Variants in CCDC171 observed in about 807,000 individuals in gnomAD.
CCDC171 encodes coiled-coil domain-containing protein 171.
Under a neutral mutation model 168.2 loss-of-function variants are expected in CCDC171, and 177 were observed. That is an observed-to-expected ratio of 1.05 (90% CI 0.93 to 1.19). CCDC171 has a LOEUF of 1.19. CCDC171 is among the 50% of genes most tolerant of loss of function. CCDC171 has a pLI of 0.00. For synonymous variants in CCDC171, 687 were observed against 540.8 expected (o/e 1.27, Z -3.75); for missense variants, 1,991 against 1,539.0 (o/e 1.29, Z -4.91).
intron 5 of CCDC171, among the ~76,000 whole-genome samples, chr9:15,592,497 C>T (rs1271764030): frequency 6.6e-6 from 1 of 152,164 alleles, no homozygotes. Flanking sequence ...AGTTTTCGCA[C>T]AGTCATTCCC....
chr9:15,705,704 G>C (rs2052168033), intron 11 of CCDC171, among the ~76,000 whole-genome samples: 1 of 152,120 alleles, frequency 6.6e-6, no homozygotes, highest in African/African-American at 2.4e-5. Context: ...ACCTATTGCA[G>C]TCAAACATTT....
At chr9:15,914,858 C>G (rs1188389330) in intron 24 of CCDC171, among the ~76,000 whole-genome samples, 1 of 152,140 alleles carries the variant, frequency 6.6e-6, no homozygotes, top group Non-Finnish European at 1.5e-5. Context: ...AGCACCATCC[C>G]TCACGTCAGG....
chr9:15,764,439 A>C (rs183189126), intron 18 of CCDC171, among the ~76,000 whole-genome samples: 1 of 152,294 alleles, frequency 6.6e-6, no homozygotes, highest in Non-Finnish European at 1.5e-5. Flanking sequence ...AGAGTCTGGA[A>C]ATATTTTGAA....
In CCDC171 at chr9:15,823,300, T is replaced by G. The variant is rs150958694; in HGVS notation, c.3268-23402T>G. ...GTAACAAACCTTCACGTTGTGCACT[T>G]GTACCCTAAAACTTAAAGTATAATA... On this transcript the variant is annotated intron_variant, in intron 21 of 25. Transcript: ENST00000380701. Among the ~76,000 whole-genome samples, 1,447 of 152,142 alleles carry G rather than the reference T, an allele frequency of 9.5e-3. 24 individuals carry two copies. The highest frequency in any genetic ancestry group is 0.033 in the African/African-American group (1,384 of 41,492).
chr9:15,919,522 A>G (rs1825014203), intron 24 of CCDC171, among the ~76,000 whole-genome samples: 1 of 151,574 alleles, frequency 6.6e-6, no homozygotes, highest in African/African-American at 2.4e-5. Context: ...ATTTTGCTAT[A>G]TTTGAGTTAT....
At chr9:15,588,465 CA>C in intron 4 of CCDC171, 3 of 292,600 alleles carry the variant, frequency 1.0e-5, no homozygotes, top group Non-Finnish European at 1.4e-5. Context: ...AGCGCAAGCC[CA>C]AAAAGCCTTC....
chr9:15,730,071 A>T (rs1178172622), intron 16 of CCDC171, among the ~76,000 whole-genome samples: 2 of 151,948 alleles, frequency 1.3e-5, no homozygotes, highest in African/African-American at 4.8e-5. Flanking sequence ...TAAATGCGAA[A>T]ATTATATTTC....
intron 2 of CCDC171, among the ~76,000 whole-genome samples, chr9:15,569,751 C>T (rs1439356450): frequency 6.6e-6 from 1 of 151,230 alleles, no homozygotes; most frequent in Non-Finnish European, 1.5e-5. Flanking sequence ...GGAGGCGGAG[C>T]TTGCAGTGAG....
At chr9:15,794,471 AC>A (rs916264010) in intron 21 of CCDC171, among the ~76,000 whole-genome samples, 9 of 82,700 alleles carry the variant, frequency 1.1e-4, no homozygotes, top group African/African-American at 1.8e-4. Context: ...CCCCGCCCCC[AC>A]CCCCCCACCA....
chr9:15,897,798 C>A (rs1821104353), intron 24 of CCDC171, among the ~76,000 whole-genome samples: 1 of 152,130 alleles, frequency 6.6e-6, no homozygotes, highest in South Asian at 2.1e-4. Context: ...TGGATTAAGT[C>A]TACTGATTTC....
chr9:15,946,018 A>G (rs1828325202), intron 25 of CCDC171, among the ~76,000 whole-genome samples: 1 of 151,602 alleles, frequency 6.6e-6, no homozygotes, highest in East Asian at 2.0e-4. Flanking sequence ...TTTTAGGTCT[A>G]TCGTTTAAGT....
intron 24 of CCDC171, among the ~76,000 whole-genome samples, chr9:15,913,820 G>T (rs1824071506): frequency 6.6e-6 from 1 of 152,172 alleles, no homozygotes. Context: ...TTCGGATGGA[G>T]TTTTTGCATG....
At chr9:15,884,637 G>A (rs1819148241) in intron 24 of CCDC171, among the ~76,000 whole-genome samples, 1 of 152,116 alleles carries the variant, frequency 6.6e-6, no homozygotes, top group South Asian at 2.1e-4. Context: ...CAGAATGCCT[G>A]GATTGAAGTT....
intron 2 of CCDC171, among the ~76,000 whole-genome samples, chr9:15,568,453 G>C (rs2039936124): frequency 6.6e-6 from 1 of 151,998 alleles, no homozygotes; most frequent in African/African-American, 2.4e-5. Flanking sequence ...TGTATTTTTA[G>C]TAGAGATGGG....
chr9:15,990,157 A>C (rs1370234499), intron 3 of CCDC171, among the ~76,000 whole-genome samples: 1 of 152,166 alleles, frequency 6.6e-6, no homozygotes, highest in African/African-American at 2.4e-5. Context: ...TGAAGGAAAA[A>C]ATGTTAAGGG....
intron 1 of CCDC171, among the ~76,000 whole-genome samples, chr9:15,563,630 TC>T (rs989427825): frequency 3.3e-5 from 5 of 152,146 alleles, no homozygotes; most frequent in African/African-American, 9.7e-5. Flanking sequence ...GTCTTTCAGG[TC>T]CCTGGATAGA....
chr9:15,808,667 C>G (rs183281997), intron 21 of CCDC171, among the ~76,000 whole-genome samples: 11 of 152,264 alleles, frequency 7.2e-5, no homozygotes, highest in Admixed American at 2.0e-4. Flanking sequence ...TAGGATATCA[C>G]AGGCGTGAAG....
intron 18 of CCDC171, among the ~76,000 whole-genome samples, chr9:15,768,743 T>G (rs1166432340): frequency 6.6e-6 from 1 of 152,200 alleles, no homozygotes; most frequent in Non-Finnish European, 1.5e-5. Context: ...ATTATTTTAA[T>G]TATTCTTTCC....
intron 24 of CCDC171, among the ~76,000 whole-genome samples, chr9:15,877,155 C>A (rs1228404399): frequency 6.7e-6 from 1 of 148,684 alleles, no homozygotes; most frequent in African/African-American, 2.5e-5. Flanking sequence ...GATCTGCTAG[C>A]TTTCCCCTCC....
Sources: allele counts gnomAD v4.1 joint callset (sites outside exome capture counted in the v4.1 genomes callset), GRCh38; gene constraint gnomAD v4.1.1; transcripts MANE v1.5; gene names NCBI Gene and HGNC (gene_info 2026-07-23, HGNC 2026-07-21).